DMD: variants seen among roughly 807,000 people sequenced by gnomAD.
DMD encodes dystrophin.
DMD carries 63 observed loss-of-function variants against 330.1 expected under a neutral mutation model. That is an observed-to-expected ratio of 0.19 (90% confidence interval 0.16 to 0.24). The LOEUF (loss-of-function observed/expected upper bound fraction) is 0.24, where lower values mean the gene tolerates loss of function less well. DMD is among the 10% of genes least tolerant of loss of function. The pLI is 1.00. For synonymous variants in DMD, 1,223 were observed against 959.8 expected (o/e 1.27, Z -5.07); for missense variants, 3,344 against 2,684.1 (o/e 1.25, Z -5.43).
At chrX:32,494,304 G>A (rs764202858) in intron 19 of DMD, among the ~76,000 whole-genome samples, 1 of 111,172 alleles carries the variant, frequency 9.0e-6, no homozygotes, top group Non-Finnish European at 1.9e-5. Context: ...TTTATAATAC[G>A]CTCTATTTAT....
At chrX:32,514,538 G>A (rs955662442) in intron 18 of DMD, among the ~76,000 whole-genome samples, 2 of 111,695 alleles carry the variant, frequency 1.8e-5, no homozygotes, top group African/African-American at 6.5e-5. Context: ...TCAGGAGATC[G>A]AGACCATCCT....
At chrX:32,653,897 G>T (rs772130188) in intron 9 of DMD, among the ~76,000 whole-genome samples, 39 of 111,563 alleles carry the variant, frequency 3.5e-4, no homozygotes, top group Non-Finnish European at 6.4e-4. Flanking sequence ...TGGATTCCTA[G>T]GTATTTTATT....
chrX:33,085,633 C>A (rs1040851695), intron 1 of DMD, among the ~76,000 whole-genome samples: 1 of 112,076 alleles, frequency 8.9e-6, no homozygotes. Context: ...AATATGCAAA[C>A]TTGGCTACAG....
chrX:33,047,865 T>C (rs1260979340), intron 1 of DMD, among the ~76,000 whole-genome samples: 1 of 112,268 alleles, frequency 8.9e-6, no homozygotes, highest in Non-Finnish European at 1.9e-5. Context: ...TGCAATTCTC[T>C]GTGAATTTCA....
At chrX:32,986,170 A>G (rs2092838615) in intron 2 of DMD, among the ~76,000 whole-genome samples, 1 of 111,535 alleles carries the variant, frequency 9.0e-6, no homozygotes, top group Non-Finnish European at 1.9e-5. Flanking sequence ...CATACATCAA[A>G]CATGAGCAAT....
intron 1 of DMD, among the ~76,000 whole-genome samples, chrX:33,220,773 T>C (rs1230345925): frequency 8.9e-6 from 1 of 111,790 alleles, no homozygotes; most frequent in Non-Finnish European, 1.9e-5. Context: ...TTTATGAAGA[T>C]TATTTTTTTT....
At chrX:33,152,937 G>A (rs779692559) in intron 1 of DMD, among the ~76,000 whole-genome samples, 2 of 112,455 alleles carry the variant, frequency 1.8e-5, no homozygotes, top group South Asian at 7.3e-4. Flanking sequence ...TGAGAAGACA[G>A]AAGGCAATAC....
At chrX:32,065,450 T>C (rs1223292131) in intron 44 of DMD, among the ~76,000 whole-genome samples, 1 of 112,084 alleles carries the variant, frequency 8.9e-6, no homozygotes, top group Non-Finnish European at 1.9e-5. Context: ...CATAATTGAA[T>C]GTGATATGAT....
intron 1 of DMD, among the ~76,000 whole-genome samples, chrX:33,033,562 A>AAAAAAAAAAAAAAAAAAAAC (rs2094152813): frequency 9.4e-6 from 1 of 106,321 alleles, no homozygotes; most frequent in African/African-American, 3.5e-5. Context: ...TACAAAAAAA[A>AAAAAAAAAAAAAAAAAAAAC]AAAAAAACTA....
chrX:32,124,522 T>G (rs930840749), intron 44 of DMD, among the ~76,000 whole-genome samples: 1 of 112,204 alleles, frequency 8.9e-6, no homozygotes, highest in African/African-American at 3.2e-5. Context: ...GGGGAGCTCT[T>G]TTTTGGATAC....
intron 2 of DMD, among the ~76,000 whole-genome samples, chrX:32,946,148 C>A (rs1185409927): frequency 2.7e-5 from 3 of 111,478 alleles, no homozygotes; most frequent in Non-Finnish European, 5.7e-5. Context: ...TTAAAGGTTT[C>A]TTACAGAATC....
rs201374257 is a variant in DMD at position 31,864,485 on chromosome X, C to CTTTTT, written c.7098+10698_7098+10702dup. 2.8e-4 allele frequency among the ~76,000 whole-genome samples: 15 copies of CTTTTT among 54,327 alleles called. 1 individual carries two copies. The highest frequency in any genetic ancestry group is 7.7e-4 in the African/African-American group (8 of 10,393). 47.2% of individuals were successfully genotyped at this position (54,327 alleles called of 115,157 possible). Reference sequence around the variant, plus strand: ...GCTGCTGTAGGGGTATTTTGAAGGCCTTTTTTTTTTTTTTTTTTTTTTTTA... The same window carrying CTTTTT: ...GCTGCTGTAGGGGTATTTTGAAGGCCTTTTTTTTTTTTTTTTTTTTTTTTTTTTTA... On this transcript the variant is annotated intron_variant, in intron 48 of 78. Coordinates refer to ENST00000357033, the MANE Select transcript of DMD (RefSeq NM_004006.3).
At chrX:31,379,827 T>C (rs992659333) in intron 60 of DMD, among the ~76,000 whole-genome samples, 1 of 111,936 alleles carries the variant, frequency 8.9e-6, no homozygotes, top group Non-Finnish European at 1.9e-5. Flanking sequence ...CAGCCCGGGA[T>C]TCCTCCTAAG....
intron 7 of DMD, among the ~76,000 whole-genome samples, chrX:32,797,498 T>A (rs2076260278): frequency 8.9e-6 from 1 of 112,834 alleles, no homozygotes; most frequent in Admixed American, 9.4e-5. Flanking sequence ...GGCAAAATTC[T>A]GTGACAAGAA....
intron 3 of DMD, among the ~76,000 whole-genome samples, chrX:32,849,186 C>A (rs927244784): frequency 8.1e-5 from 9 of 111,666 alleles, no homozygotes; most frequent in East Asian, 2.8e-4. Flanking sequence ...TCTTTCCCCC[C>A]CCAGTGTAAG....
At chrX:31,564,120 G>C (rs1257325109) in intron 55 of DMD, among the ~76,000 whole-genome samples, 3 of 111,108 alleles carry the variant, frequency 2.7e-5, no homozygotes, top group Non-Finnish European at 5.7e-5. Context: ...TAGGGGAATG[G>C]AATGGAACAG....
At chrX:31,284,611 T>TCTTCTTCTTCTTCTTCTTCTTC (rs2053015381) in intron 62 of DMD, among the ~76,000 whole-genome samples, 2 of 31,787 alleles carry the variant, frequency 6.3e-5, no homozygotes, top group Admixed American at 3.5e-4. Context: ...TCTTCTTTTT[T>TCTTCTTCTTCTTCTTCTTCTTC]TTGGCAGAGG....
At chrX:31,771,707 A>T (rs1233253700) in intron 51 of DMD, among the ~76,000 whole-genome samples, 1 of 110,972 alleles carries the variant, frequency 9.0e-6, no homozygotes, top group Non-Finnish European at 1.9e-5. Context: ...GGCCATGTTG[A>T]CCAGGCTGGT....
intron 61 of DMD, among the ~76,000 whole-genome samples, chrX:31,346,267 T>A (rs1296562450): frequency 9.0e-6 from 1 of 110,983 alleles, no homozygotes; most frequent in African/African-American, 3.3e-5. Context: ...AGTTTCTTCA[T>A]CATTGAAATG....
Sources: allele counts gnomAD v4.1 joint callset (sites outside exome capture counted in the v4.1 genomes callset), GRCh38; gene constraint gnomAD v4.1.1; transcripts MANE v1.5; gene names NCBI Gene and HGNC (gene_info 2026-07-23, HGNC 2026-07-21).